Variants in SPTBN1 observed in about 807,000 individuals in gnomAD.
SPTBN1 encodes spectrin beta chain, non-erythrocytic 1.
Under a neutral mutation model 266.4 loss-of-function variants are expected in SPTBN1, and 32 were observed. The ratio of observed to expected loss-of-function variants is 0.12; its 90% CI spans 0.09 to 0.16. SPTBN1 has a LOEUF of 0.16. Ranked by LOEUF, SPTBN1 falls within the 10% of genes least tolerant of loss-of-function variation. The probability of loss-of-function intolerance (pLI) is 1.00; values close to 1 mark genes in which losing one functional copy is unlikely to be tolerated. For missense variants in SPTBN1, 2,296 were observed against 3,067.1 expected (o/e 0.75, Z 5.94); for synonymous variants, 1,336 against 1,162.2 (o/e 1.15, Z -3.04).
At chr2:54,585,439 A>G (rs1466183344) in intron 2 of SPTBN1, among the ~76,000 whole-genome samples, 1 of 151,984 alleles carries the variant, frequency 6.6e-6, no homozygotes, top group Non-Finnish European at 1.5e-5. Context: ...CTATTAAAAC[A>G]AGGCAATGTA....
chr2:54,664,965 G>T lies in SPTBN1; in HGVS notation c.6659+274G>T. ...AGGAATTTGCTAGATTGAGACTGAAGAGTCTTCTTTACTTTAAGTGATTGA... is the reference window on the plus strand; with the variant it reads ...AGGAATTTGCTAGATTGAGACTGAATAGTCTTCTTTACTTTAAGTGATTGA... On this transcript the variant is annotated intron_variant, in intron 33 of 35. Transcript: ENST00000356805. The surrounding 1 kb of genome is among the most constrained non-coding windows in gnomAD (Gnocchi z 5.6). The T allele has an allele frequency of 4.8e-6, 2 of 413,836 alleles. No individual in the cohort carries two copies. Among genetic ancestry groups the T allele is most frequent in the Non-Finnish European group, 8.8e-6 (2 of 226,760 alleles). 25.6% of individuals were successfully genotyped at this position (413,836 alleles called of 1,614,324 possible). A position where few individuals can be genotyped will look rare whatever the true frequency, so the allele number is the denominator to read the frequency against.
At chr2:54,478,355 C>T (rs1667942680) in intron 1 of SPTBN1, among the ~76,000 whole-genome samples, 1 of 152,054 alleles carries the variant, frequency 6.6e-6, no homozygotes, top group Non-Finnish European at 1.5e-5. Context: ...TCTTCAAGGA[C>T]CTGTAGTGGG....
intron 1 of SPTBN1, among the ~76,000 whole-genome samples, chr2:54,522,447 A>G (rs1010847435): frequency 6.6e-6 from 1 of 151,924 alleles, no homozygotes; most frequent in African/African-American, 2.4e-5. Flanking sequence ...CCTGGCCAAC[A>G]TGGTGAAACC....
chr2:54,595,452 G>C (rs1301070335), intron 2 of SPTBN1, among the ~76,000 whole-genome samples: 1 of 152,212 alleles, frequency 6.6e-6, no homozygotes, highest in Non-Finnish European at 1.5e-5. Flanking sequence ...TTCTTGGGGA[G>C]GACTTGATAA....
intron 18 of SPTBN1, among the ~76,000 whole-genome samples, chr2:54,638,084 A>G (rs1359424908): frequency 6.6e-6 from 1 of 152,210 alleles, no homozygotes; most frequent in African/African-American, 2.4e-5. Flanking sequence ...TTGGTTGGCT[A>G]TTTCATTTTA....
intron 1 of SPTBN1, among the ~76,000 whole-genome samples, chr2:54,519,872 G>A (rs1424361771): frequency 6.6e-6 from 1 of 152,088 alleles, no homozygotes; most frequent in Admixed American, 6.5e-5. Context: ...GGAGCGAGAG[G>A]GAGAAATGAA....
intron 11 of SPTBN1, among the ~76,000 whole-genome samples, chr2:54,625,662 C>T (rs1264784899): frequency 6.6e-6 from 1 of 152,204 alleles, no homozygotes; most frequent in Non-Finnish European, 1.5e-5. Context: ...GCAATCTCGG[C>T]TCACTGCAAC....
At chr2:54,635,293 G>A (rs1442561165) in intron 17 of SPTBN1, among the ~76,000 whole-genome samples, 5 of 152,238 alleles carry the variant, frequency 3.3e-5, no homozygotes, top group Admixed American at 6.5e-5. Context: ...AATGATGTCC[G>A]TTGCACTAGT....
At chr2:54,505,010 T>C (rs1282543436) in intron 1 of SPTBN1, among the ~76,000 whole-genome samples, 1 of 152,220 alleles carries the variant, frequency 6.6e-6, no homozygotes, top group Non-Finnish European at 1.5e-5. Flanking sequence ...GCAAATATTT[T>C]CTTGATATGA....
In SPTBN1 at chr2:54,478,870, A is replaced by C. The variant is rs559411516; in HGVS notation, c.-48+22352A>C. On this transcript the variant is annotated intron_variant, in intron 1 of 35. Coordinates refer to ENST00000356805, the MANE Select transcript of SPTBN1 (RefSeq NM_003128.3). Reference sequence around the variant, plus strand: ...AAAATACACAATACCAGAGATAAAAAAAGATGTATGTACGTATATGTGAGT... The same window carrying C: ...AAAATACACAATACCAGAGATAAAACAAGATGTATGTACGTATATGTGAGT... Among the ~76,000 whole-genome samples, 12 of 152,210 alleles carry C rather than the reference A, an allele frequency of 7.9e-5. No individual in the cohort carries two copies. In the South Asian group the frequency reaches 2.5e-3, roughly 32 times the overall value.
chr2:54,466,010 A>C (rs1237992791), intron 1 of SPTBN1, among the ~76,000 whole-genome samples: 1 of 152,196 alleles, frequency 6.6e-6, no homozygotes, highest in African/African-American at 2.4e-5. Context: ...TTGACATATA[A>C]AAATAAGATG....
chr2:54,588,269 A>G (rs979783108), intron 2 of SPTBN1, among the ~76,000 whole-genome samples: 1 of 152,206 alleles, frequency 6.6e-6, no homozygotes, highest in African/African-American at 2.4e-5. Context: ...AAAAGAGGCT[A>G]CTGGCTGAAG....
intron 35 of SPTBN1, among the ~76,000 whole-genome samples, chr2:54,668,061 G>T (rs1681485365): frequency 6.6e-6 from 1 of 152,214 alleles, no homozygotes; most frequent in Non-Finnish European, 1.5e-5. Flanking sequence ...ATGTGAAAAA[G>T]CACCTTCTAG....
chr2:54,466,790 A>T (rs1470551201), intron 1 of SPTBN1, among the ~76,000 whole-genome samples: 2 of 152,182 alleles, frequency 1.3e-5, no homozygotes, highest in Non-Finnish European at 2.9e-5. Flanking sequence ...TTTTAGCTGG[A>T]TACAAACTAA....
At chr2:54,639,758 C>CCA (rs1352372833) in intron 18 of SPTBN1, among the ~76,000 whole-genome samples, 2 of 152,222 alleles carry the variant, frequency 1.3e-5, no homozygotes, top group African/African-American at 4.8e-5. Flanking sequence ...GTTCTCTCCT[C>CCA]CACACACACC....
intron 16 of SPTBN1, among the ~76,000 whole-genome samples, chr2:54,632,166 C>T (rs557217699): frequency 2.7e-5 from 4 of 150,278 alleles, no homozygotes; most frequent in African/African-American, 9.8e-5. Flanking sequence ...TCAGGGACTT[C>T]ACCTGAGGAC....
At chr2:54,618,544 A>G (rs1290063127) in intron 7 of SPTBN1, among the ~76,000 whole-genome samples, 1 of 152,186 alleles carries the variant, frequency 6.6e-6, no homozygotes, top group Non-Finnish European at 1.5e-5. Context: ...CTGTTAGTGG[A>G]TGGGATCCCC....
chr2:54,613,248 GT>G (rs1279910067), intron 4 of SPTBN1, among the ~76,000 whole-genome samples: 1 of 152,176 alleles, frequency 6.6e-6, no homozygotes, highest in African/African-American at 2.4e-5. Context: ...TAACAGTCCT[GT>G]CTCCTCAGTG....
chr2:54,584,143 C>A (rs940129604), intron 2 of SPTBN1, among the ~76,000 whole-genome samples: 5 of 152,166 alleles, frequency 3.3e-5, no homozygotes, highest in African/African-American at 9.7e-5. Context: ...ATACACTGTT[C>A]TATAAGGGAC....
Sources: allele counts gnomAD v4.1 joint callset (sites outside exome capture counted in the v4.1 genomes callset), GRCh38; gene constraint gnomAD v4.1.1; non-coding constraint Gnocchi (gnomAD v3.1); transcripts MANE v1.5; gene names NCBI Gene and HGNC (gene_info 2026-07-23, HGNC 2026-07-21).